Variants in HYDIN observed in about 807,000 individuals in gnomAD.
The protein encoded by HYDIN is axonemal central pair apparatus protein HYDIN.
In HYDIN, 132 loss-of-function variants were observed where a neutral mutation model predicts 403.9. That is an observed-to-expected ratio of 0.33 (90% CI 0.28 to 0.38). HYDIN has a LOEUF of 0.38. Among genes scored for constraint, HYDIN ranks in the 10% least tolerant of loss-of-function variants. The probability of loss-of-function intolerance (pLI) is 1.00; values close to 1 mark genes in which losing one functional copy is unlikely to be tolerated. For synonymous variants in HYDIN, 1,202 were observed against 1,891.7 expected (o/e 0.64, Z 9.46); for missense variants, 2,827 against 5,009.5 (o/e 0.56, Z 13.15).
chr16:70,931,858 T>C (rs1276363382), intron 45 of HYDIN, among the ~76,000 whole-genome samples: 2 of 147,728 alleles, frequency 1.4e-5, no homozygotes, highest in African/African-American at 2.5e-5. Flanking sequence ...CTACAAAAAA[T>C]ACTAAAATTA....
intron 44 of HYDIN, among the ~76,000 whole-genome samples, chr16:70,936,947 T>C (rs1394313984): frequency 6.6e-6 from 1 of 151,654 alleles, no homozygotes; most frequent in African/African-American, 2.4e-5. Context: ...GTCATTCAAC[T>C]GCTCCTGCCC....
intron 41 of HYDIN, among the ~76,000 whole-genome samples, chr16:70,944,217 A>G (rs185113705): frequency 4.3e-4 from 66 of 152,346 alleles, no homozygotes; most frequent in Admixed American, 9.2e-4. Flanking sequence ...CTGAGCACCT[A>G]TCTTGCACCA....
At chr16:71,196,946 C>T (rs1334610728) in intron 1 of HYDIN, among the ~76,000 whole-genome samples, 1 of 152,134 alleles carries the variant, frequency 6.6e-6, no homozygotes, top group African/African-American at 2.4e-5. Flanking sequence ...AAATGGGTAA[C>T]CAGCAGCCCT....
rs139532712 is a variant in HYDIN, at chr16:71,184,354, C to T, written c.261+511G>A. Among the ~76,000 whole-genome samples, 128 of 152,032 alleles carry T rather than the reference C, an allele frequency of 8.4e-4. 2 individuals carry two copies. In the East Asian group the frequency reaches 0.023, roughly 27 times the overall value. On this transcript the variant is annotated intron_variant, in intron 3 of 85. Transcript: ENST00000393567. The stretch of plus-strand genomic sequence containing the variant: ...CCAGACCTTCTATAATCACATGCTC[C>T]TAAAGCCTGGAAGGTATGGTTTACA...
chr16:71,022,848 T>C (rs959118660), intron 21 of HYDIN, among the ~76,000 whole-genome samples: 2 of 151,118 alleles, frequency 1.3e-5, no homozygotes, highest in Non-Finnish European at 2.9e-5. Context: ...GTACATATTT[T>C]AATCTAGTAA....
intron 40 of HYDIN, among the ~76,000 whole-genome samples, chr16:70,954,655 C>T (rs2078176417): frequency 6.6e-6 from 1 of 152,138 alleles, no homozygotes; most frequent in African/African-American, 2.4e-5. Flanking sequence ...AATTCTCCAC[C>T]ATGCAGCTGG....
At chr16:71,070,709 C>T (rs2082440706) in intron 13 of HYDIN, among the ~76,000 whole-genome samples, 1 of 132,134 alleles carries the variant, frequency 7.6e-6, no homozygotes, top group Non-Finnish European at 1.5e-5. Context: ...TCTATAGACA[C>T]AGGAGAACAA....
At chr16:70,841,746 C>G (rs1327195125) in intron 75 of HYDIN, among the ~76,000 whole-genome samples, 1 of 152,082 alleles carries the variant, frequency 6.6e-6, no homozygotes, top group Non-Finnish European at 1.5e-5. Flanking sequence ...CCTTTCTTCC[C>G]GTAACCATTG....
At chr16:71,139,099 A>G in intron 7 of HYDIN, among the ~76,000 whole-genome samples, 1 of 99,694 alleles carries the variant, frequency 1.0e-5, no homozygotes, top group Non-Finnish European at 2.8e-5. Context: ...AAAGAAGAAA[A>G]AAAAAAAAAA....
Position 70,943,818 on chromosome 16 carries a change from C to A in HYDIN, c.6663G>T (p.Arg2221=). The A allele has an allele frequency of 2.5e-6, 4 of 1,612,266 alleles. No homozygotes were observed. Among genetic ancestry groups the A allele is most frequent in the Non-Finnish European group, 3.4e-6 (4 of 1,179,982 alleles). The change falls in exon 42 of 86, where the codon CGG becomes CGT. Residue 2221 remains arginine (R), a synonymous_variant. Coordinates refer to ENST00000393567, the MANE Select transcript of HYDIN (RefSeq NM_001270974.2). ...GCAGGTGGCATGGACCCACCTGTAT[C>A]CGCTCTGCCAGGATCTGCACGAGAA... ...DELLVQILAE[R]IQLSDCYRGV...
At chr16:70,971,888 G>A (rs2078743646) in intron 35 of HYDIN, among the ~76,000 whole-genome samples, 1 of 151,906 alleles carries the variant, frequency 6.6e-6, no homozygotes, top group Non-Finnish European at 1.5e-5. Context: ...ATTTCTTGGT[G>A]CTGCTGATGT....
At chr16:70,938,315 C>T (rs2077559741) in intron 44 of HYDIN, among the ~76,000 whole-genome samples, 2 of 152,220 alleles carry the variant, frequency 1.3e-5, no homozygotes, top group South Asian at 4.1e-4. Flanking sequence ...AGCAGGGGCC[C>T]CAGGGCAGCA....
chr16:71,221,228 C>T (rs955312417), intron 1 of HYDIN, among the ~76,000 whole-genome samples: 1 of 151,548 alleles, frequency 6.6e-6, no homozygotes, highest in Non-Finnish European at 1.5e-5. Flanking sequence ...GGGACGATTC[C>T]TTGGCACCTA....
At chr16:71,211,297 T>C (rs1384600359) in intron 1 of HYDIN, among the ~76,000 whole-genome samples, 3 of 152,190 alleles carry the variant, frequency 2.0e-5, no homozygotes, top group Non-Finnish European at 4.4e-5. Flanking sequence ...TGAGCTAGGC[T>C]TGGGGTATTC....
chr16:70,961,177 AG>A (rs2078407533), intron 38 of HYDIN, among the ~76,000 whole-genome samples: 1 of 152,100 alleles, frequency 6.6e-6, no homozygotes, highest in Non-Finnish European at 1.5e-5. Context: ...TGGGGAGCAG[AG>A]TCAGGGTGTA....
At chr16:71,178,569 C>G (rs2086779096) in intron 4 of HYDIN, among the ~76,000 whole-genome samples, 1 of 151,232 alleles carries the variant, frequency 6.6e-6, no homozygotes, top group South Asian at 2.1e-4. Context: ...GAAATGATGT[C>G]TCTAAGGAAG....
chr16:70,804,416 G>T lies in HYDIN; in HGVS notation c.*3164C>A, dbSNP rs1389275957. ...AGGAGACCCTCAAATCCATCTCCCG[G>T]AAGAGTTCTGGACTGGGGTTTTTAA... On this transcript the variant is annotated 3_prime_UTR_variant, in exon 86 of 86. Transcript: ENST00000393567. Among the ~76,000 whole-genome samples the T allele has an allele frequency of 6.6e-6, 1 of 152,184 alleles. No homozygotes were observed. Among genetic ancestry groups the T allele is most frequent in the East Asian group, 1.9e-4 (1 of 5,190 alleles).
chr16:70,991,406 T>G lies in HYDIN; in HGVS notation c.3786-10A>C. On this transcript the variant is annotated splice_polypyrimidine_tract_variant and intron_variant, in intron 24 of 85. Coordinates refer to ENST00000393567, the MANE Select transcript of HYDIN (RefSeq NM_001270974.2). ...ATCCACAAGGACAGTCCTAGGAAGT[T>G]TAATGAAATGCAGAGATTCACTCAT... 1 of 1,612,708 alleles carries G rather than the reference T, an allele frequency of 6.2e-7. No homozygotes were observed.
intron 7 of HYDIN, among the ~76,000 whole-genome samples, chr16:71,139,047 G>A (rs2085053712): frequency 7.0e-6 from 1 of 143,878 alleles, no homozygotes; most frequent in South Asian, 2.2e-4. Flanking sequence ...TCGTCCCATT[G>A]CACTCTACCC....
Sources: allele counts gnomAD v4.1 joint callset (sites outside exome capture counted in the v4.1 genomes callset), GRCh38; gene constraint gnomAD v4.1.1; transcripts MANE v1.5; gene names NCBI Gene and HGNC (gene_info 2026-07-23, HGNC 2026-07-21).